DLG2: variants seen among roughly 807,000 people sequenced by gnomAD.
DLG2 encodes the protein disks large homolog 2.
A neutral mutation model predicts 132.5 loss-of-function variants in DLG2; 45 were observed. That is an observed-to-expected ratio of 0.34 (90% confidence interval 0.27 to 0.44). The LOEUF (loss-of-function observed/expected upper bound fraction) is 0.44, where lower values mean the gene tolerates loss of function less well. Among genes scored for constraint, DLG2 ranks in the 20% least tolerant of loss-of-function variants. The probability of loss-of-function intolerance (pLI) is 1.00; values close to 1 mark genes in which losing one functional copy is unlikely to be tolerated. For missense variants in DLG2, 1,045 were observed against 1,196.9 expected, an observed-to-expected ratio of 0.87 and a Z score of 1.87; for synonymous variants, 424 against 419.6, an observed-to-expected ratio of 1.01 and a Z score of -0.13.
chr11:85,603,805 T>C (rs555329598), intron 2 of DLG2, among the ~76,000 whole-genome samples: 1 of 152,206 alleles, frequency 6.6e-6, no homozygotes, highest in South Asian at 2.1e-4. Flanking sequence ...CACTCCCAGC[T>C]ACTCAGAAGG....
intron 8 of DLG2, among the ~76,000 whole-genome samples, chr11:84,205,039 G>A (rs2154302960): frequency 6.6e-6 from 1 of 152,244 alleles, no homozygotes; most frequent in East Asian, 1.9e-4. Context: ...AACATAGATA[G>A]AAATTAAGAG....
intron 19 of DLG2, among the ~76,000 whole-genome samples, chr11:83,556,461 C>T (rs983039300): frequency 1.3e-5 from 2 of 152,024 alleles, no homozygotes; most frequent in Admixed American, 1.3e-4. Flanking sequence ...CAACCTCCAC[C>T]TCCCGGGTTC....
intron 6 of DLG2, among the ~76,000 whole-genome samples, chr11:84,625,035 T>C (rs7108782): frequency 6.7e-6 from 1 of 149,700 alleles, no homozygotes; most frequent in African/African-American, 2.5e-5. Flanking sequence ...TAATTTTTTG[T>C]ATTTTTAGTA....
chr11:83,940,295 T>C (rs1591478360), intron 14 of DLG2, among the ~76,000 whole-genome samples: 2 of 152,216 alleles, frequency 1.3e-5, no homozygotes, highest in Non-Finnish European at 2.9e-5. Flanking sequence ...GATTTTTCTC[T>C]CTTCTTAACT....
chr11:84,786,954 C>T (rs1197401000), intron 6 of DLG2, among the ~76,000 whole-genome samples: 3 of 152,064 alleles, frequency 2.0e-5, no homozygotes, highest in Non-Finnish European at 4.4e-5. Context: ...AGAGTAATGG[C>T]TTTGGTGGGA....
chr11:84,735,422 C>A (rs186866067), intron 6 of DLG2, among the ~76,000 whole-genome samples: 14 of 152,196 alleles, frequency 9.2e-5, no homozygotes, highest in Middle Eastern at 3.4e-3. Context: ...AGTTTATTTA[C>A]GTAGAGGTGT....
chr11:83,888,882 C>T (rs1054279123), intron 15 of DLG2, among the ~76,000 whole-genome samples: 2 of 152,174 alleles, frequency 1.3e-5, no homozygotes, highest in Non-Finnish European at 2.9e-5. Flanking sequence ...ATACATGGTG[C>T]TGGGAAAACT....
intron 9 of DLG2, among the ~76,000 whole-genome samples, chr11:84,110,886 G>A (rs1432491871): frequency 6.6e-6 from 1 of 152,150 alleles, no homozygotes; most frequent in Non-Finnish European, 1.5e-5. Context: ...ATAGTCTGAG[G>A]GTCGCCATTT....
At chr11:85,553,268 A>G (rs72953993) in intron 3 of DLG2, among the ~76,000 whole-genome samples, 2,154 of 151,838 alleles carry the variant, frequency 0.014, 56 homozygotes, top group South Asian at 0.033. Context: ...CTTTCATTCA[A>G]TAAATACTTA....
chr11:85,234,872 T>C (rs1023787229), intron 4 of DLG2, among the ~76,000 whole-genome samples: 2 of 152,022 alleles, frequency 1.3e-5, no homozygotes, highest in African/African-American at 2.4e-5. Context: ...TTGTATAGTG[T>C]CTTTTCATCA....
chr11:84,853,161 G>T (rs1299521250), intron 6 of DLG2, among the ~76,000 whole-genome samples: 1 of 151,846 alleles, frequency 6.6e-6, no homozygotes, highest in African/African-American at 2.4e-5. Context: ...GAGGAGCAAG[G>T]TTTCCTGAGT....
At chr11:84,735,803 T>C (rs1367740009) in intron 6 of DLG2, among the ~76,000 whole-genome samples, 1 of 152,162 alleles carries the variant, frequency 6.6e-6, no homozygotes, top group East Asian at 1.9e-4. Context: ...TACACACTGC[T>C]AGATTCAAAC....
At chr11:83,741,460 AG>A (rs1476775178) in intron 18 of DLG2, among the ~76,000 whole-genome samples, 2 of 152,240 alleles carry the variant, frequency 1.3e-5, no homozygotes, top group African/African-American at 4.8e-5. Flanking sequence ...GTAAAGTTTC[AG>A]GATACAAAAT....
chr11:84,464,429 G>A (rs1290466597), intron 7 of DLG2, among the ~76,000 whole-genome samples: 1 of 151,180 alleles, frequency 6.6e-6, no homozygotes, highest in African/African-American at 2.4e-5. Flanking sequence ...ATCTAGTTAT[G>A]TGATAGAGCA....
chr11:84,106,720 A>G (rs1328451830), intron 9 of DLG2, among the ~76,000 whole-genome samples: 1 of 152,120 alleles, frequency 6.6e-6, no homozygotes, highest in Non-Finnish European at 1.5e-5. Context: ...GAAGCAGTTT[A>G]ATAAATAGGC....
intron 8 of DLG2, among the ~76,000 whole-genome samples, chr11:84,165,889 T>A (rs2095651123): frequency 6.6e-6 from 1 of 151,842 alleles, no homozygotes; most frequent in East Asian, 1.9e-4. Context: ...AAGAGTGAGA[T>A]CCCGTCTCAA....
intron 21 of DLG2, among the ~76,000 whole-genome samples, chr11:83,497,340 C>CGA (rs1384745373): frequency 2.6e-5 from 4 of 152,038 alleles, no homozygotes; most frequent in Non-Finnish European, 5.9e-5. Flanking sequence ...CTCAGGAATT[C>CGA]GACACCAGCC....
chr11:85,557,147 C>G (rs1422206984), intron 3 of DLG2, among the ~76,000 whole-genome samples: 1 of 151,492 alleles, frequency 6.6e-6, no homozygotes, highest in Non-Finnish European at 1.5e-5. Flanking sequence ...ATGATGAGAA[C>G]AGTAATAATA....
At chr11:85,419,683 T>C (rs1293884992) in intron 3 of DLG2, among the ~76,000 whole-genome samples, 1 of 152,240 alleles carries the variant, frequency 6.6e-6, no homozygotes, top group Non-Finnish European at 1.5e-5. Flanking sequence ...ATTAAGTTGA[T>C]CTTCAATCTC....
Sources: allele counts gnomAD v4.1 joint callset (sites outside exome capture counted in the v4.1 genomes callset), GRCh38; gene constraint gnomAD v4.1.1; transcripts MANE v1.5; gene names NCBI Gene and HGNC (gene_info 2026-07-23, HGNC 2026-07-21).